Variants in TMTC4 observed in about 807,000 individuals in gnomAD.
TMTC4 encodes protein O-mannosyl-transferase TMTC4.
Under a neutral mutation model 86.0 loss-of-function variants are expected in TMTC4, and 65 were observed. The observed-to-expected ratio is 0.76, with a 90% CI of 0.62 to 0.93. TMTC4 has a LOEUF of 0.93. Ranked by LOEUF, TMTC4 falls within the 40% of genes least tolerant of loss-of-function variation. The pLI, the probability that TMTC4 is intolerant of heterozygous loss-of-function variation, is 0.00. For missense variants in TMTC4, 866 were observed against 948.1 expected, an observed-to-expected ratio of 0.91 and a Z score of 1.14; for synonymous variants, 379 against 382.5, an observed-to-expected ratio of 0.99 and a Z score of 0.11.
intron 12 of TMTC4, among the ~76,000 whole-genome samples, chr13:100,631,807 T>C (rs1666877441): frequency 6.6e-6 from 1 of 152,102 alleles, no homozygotes; most frequent in South Asian, 2.1e-4. Flanking sequence ...CTAAGTGAGA[T>C]TACTTTCCTA....
chr13:100,668,844 G>A (rs201745673), intron 2 of TMTC4, 50 bp from the exon 3 acceptor site: 21 of 1,566,038 alleles, frequency 1.3e-5, no homozygotes, highest in South Asian at 2.2e-5. Flanking sequence ...TGGTAGGACC[G>A]TTTCTGCAGT....
At position 100,637,596 on chromosome 13, in the gene TMTC4, G is replaced by A. The variant is rs765841001; in HGVS notation, c.941C>T (p.Pro314Leu). 2.1e-4 allele frequency: 332 copies of A among 1,614,048 alleles called. No homozygotes were observed. The highest frequency in any genetic ancestry group is 2.8e-4 in the Non-Finnish European group (326 of 1,180,046). Reference sequence around the variant, plus strand: ...GTTGTCCACCTCGGTGAAGGCCGGCGGGCCCGTGCCCATGATCCTCCAGCG... The same window carrying A: ...GTTGTCCACCTCGGTGAAGGCCGGCAGGCCCGTGCCCATGATCCTCCAGCG... ...YVRWRIMGTGPPAFTEVDNPA... is the reference protein window; with the variant it reads ...YVRWRIMGTGLPAFTEVDNPA... The change falls in exon 9 of 19, where the codon CCG (proline) becomes CTG (leucine). Residue 314 changes from proline to leucine, a missense_variant. By Grantham distance (98) the Pro-to-Leu change is moderately conservative. Coordinates refer to ENST00000342624, the MANE Select transcript of TMTC4 (RefSeq NM_032813.5).
intron 8 of TMTC4, 112 bp downstream of exon 8, chr13:100,637,818 G>A: frequency 2.0e-6 from 3 of 1,537,042 alleles, no homozygotes; most frequent in Non-Finnish European, 2.7e-6. Flanking sequence ...TGCTTTAAAA[G>A]GCTGGTTATT....
chr13:100,629,049 T>C (rs750737654), intron 12 of TMTC4, among the ~76,000 whole-genome samples: 1 of 150,018 alleles, frequency 6.7e-6, no homozygotes, highest in Admixed American at 6.7e-5. Flanking sequence ...CTTGGGAGGG[T>C]GAGACAGGAG....
chr13:100,667,823 T>A (rs1012427629), intron 3 of TMTC4, among the ~76,000 whole-genome samples: 2 of 152,234 alleles, frequency 1.3e-5, no homozygotes, highest in African/African-American at 4.8e-5. Flanking sequence ...TTCTTTCTCC[T>A]CTGGGCCTTG....
At chr13:100,626,252 GA>G in intron 12 of TMTC4, 102 bp from the exon 13 acceptor site, 26 of 1,262,102 alleles carry the variant, frequency 2.1e-5, no homozygotes, top group Non-Finnish European at 2.3e-5. Context: ...AAGCGACGAG[GA>G]AAAAAAATCA....
At chr13:100,621,969 A>G (rs1331666157) in intron 15 of TMTC4, among the ~76,000 whole-genome samples, 1 of 152,150 alleles carries the variant, frequency 6.6e-6, no homozygotes, top group Non-Finnish European at 1.5e-5. Flanking sequence ...TCGTAACATT[A>G]TGTTGAGGTT....
chr13:100,617,012 A>T (rs1417118285), intron 15 of TMTC4, among the ~76,000 whole-genome samples: 1 of 152,146 alleles, frequency 6.6e-6, no homozygotes, highest in African/African-American at 2.4e-5. Context: ...CCTTTAGTTT[A>T]ATTAGGTCCC....
intron 6 of TMTC4, among the ~76,000 whole-genome samples, chr13:100,653,652 A>T (rs982801019): frequency 6.6e-6 from 1 of 152,342 alleles, no homozygotes; most frequent in Non-Finnish European, 1.5e-5. Context: ...GGCAGAATTC[A>T]ATCATTCTGT....
intron 5 of TMTC4, among the ~76,000 whole-genome samples, chr13:100,658,486 T>C (rs1010237407): frequency 2.0e-5 from 3 of 151,264 alleles, no homozygotes; most frequent in Admixed American, 6.6e-5. Flanking sequence ...TAAAAGCCAA[T>C]CCAGACAAGC....
chr13:100,611,966 T>C (rs1414281621), intron 17 of TMTC4, among the ~76,000 whole-genome samples: 1 of 152,212 alleles, frequency 6.6e-6, no homozygotes, highest in Non-Finnish European at 1.5e-5. Flanking sequence ...AACCTGCAGA[T>C]AAAACCTAGA....
At chr13:100,630,588 G>T (rs1486704360) in intron 12 of TMTC4, among the ~76,000 whole-genome samples, 1 of 152,082 alleles carries the variant, frequency 6.6e-6, no homozygotes, top group Non-Finnish European at 1.5e-5. Context: ...ACCTCCTCTC[G>T]TATGCACAAA....
intron 2 of TMTC4, among the ~76,000 whole-genome samples, chr13:100,669,190 G>A (rs1414277998): frequency 6.6e-6 from 1 of 152,154 alleles, no homozygotes; most frequent in East Asian, 1.9e-4. Context: ...AGTCATTGTT[G>A]GGTTTTAGCA....
chr13:100,660,733 A>G (rs1885679614), intron 5 of TMTC4, among the ~76,000 whole-genome samples: 1 of 150,600 alleles, frequency 6.6e-6, no homozygotes, highest in Non-Finnish European at 1.5e-5. Flanking sequence ...GGTTCACTGC[A>G]GCCTCTGCCT....
intron 15 of TMTC4, among the ~76,000 whole-genome samples, chr13:100,621,840 T>C (rs974030927): frequency 1.3e-5 from 2 of 152,200 alleles, no homozygotes; most frequent in African/African-American, 4.8e-5. Context: ...ACCACCCAAA[T>C]GCATGAATTC....
rs1296569630 is a variant in TMTC4, at chr13:100,632,053, A to ACACACTCTCTCTCTCTCT, written c.1506+2751_1506+2752insAGAGAGAGAGAGAGTGTG. 2.9e-3 allele frequency among the ~76,000 whole-genome samples: 124 copies of ACACACTCTCTCTCTCTCT among 43,054 alleles called. 1 individual carries two copies. Among genetic ancestry groups the ACACACTCTCTCTCTCTCT allele is most frequent in the Middle Eastern group, 0.016 (1 of 62 alleles). The allele number at this position is 43,054 out of a possible 152,430, so 28.2% of individuals were successfully genotyped here. A position where few individuals can be genotyped will look rare whatever the true frequency, so the allele number is the denominator to read the frequency against. ...CACACACACACACACACACACACAC[A>ACACACTCTCTCTCTCTCT]CTCTCTCTCTCTCTCTCTCTCTCTC... On this transcript the variant is annotated intron_variant, in intron 12 of 18. Transcript: ENST00000342624.
At chr13:100,619,328 GACACAC>G (rs34662519) in intron 15 of TMTC4, among the ~76,000 whole-genome samples, 5,935 of 145,936 alleles carry the variant, frequency 0.041, 126 homozygotes, top group East Asian at 0.063. Context: ...AATAAAAGCA[GACACAC>G]ACACACACAC....
chr13:100,619,433 TTTTA>T (rs531467921), intron 15 of TMTC4, among the ~76,000 whole-genome samples: 44 of 152,102 alleles, frequency 2.9e-4, no homozygotes, highest in African/African-American at 1.0e-3. Context: ...CAAATGCACA[TTTTA>T]TTTGAGTGTA....
intron 3 of TMTC4, chr13:100,665,944 C>T (rs1401706141): frequency 4.4e-6 from 2 of 450,660 alleles, no homozygotes; most frequent in Admixed American, 4.8e-5. Flanking sequence ...CCTTCGTTGA[C>T]TCAGTGACAA....
Sources: allele counts gnomAD v4.1 joint callset (sites outside exome capture counted in the v4.1 genomes callset), GRCh38; gene constraint gnomAD v4.1.1; transcripts MANE v1.5; gene names NCBI Gene and HGNC (gene_info 2026-07-23, HGNC 2026-07-21).